MYOT: variants seen among roughly 807,000 people sequenced by gnomAD.
MYOT encodes myotilin.
A neutral mutation model predicts 58.0 loss-of-function variants in MYOT; 36 were observed. That is an observed-to-expected ratio of 0.62 (90% CI 0.48 to 0.82). MYOT has a LOEUF of 0.82. Ranked by LOEUF, MYOT falls within the 40% of genes least tolerant of loss-of-function variation. The pLI is 0.00. For synonymous variants in MYOT, 218 were observed against 204.6 expected (o/e 1.07, Z -0.56); for missense variants, 505 against 592.1 (o/e 0.85, Z 1.53).
At chr5:137,868,903 A>T (rs1043422559) in intron 1 of MYOT, among the ~76,000 whole-genome samples, 5 of 152,178 alleles carry the variant, frequency 3.3e-5, no homozygotes, top group Admixed American at 2.6e-4. Flanking sequence ...AATGCATTCT[A>T]GTTTAATGTA....
intron 6 of MYOT, among the ~76,000 whole-genome samples, chr5:137,882,338 G>A (rs1755462797): frequency 6.6e-6 from 1 of 152,110 alleles, no homozygotes; most frequent in African/African-American, 2.4e-5. Context: ...TCTGTAAAAT[G>A]GGATAACAAA....
At chr5:137,876,143 T>G in intron 3 of MYOT, 140 bp downstream of exon 3, 6 of 859,244 alleles carry the variant, frequency 7.0e-6, no homozygotes, top group Non-Finnish European at 9.0e-6. Flanking sequence ...ATTTGGGCCC[T>G]ATTCCATTTC....
chr5:137,886,944 C>A lies in MYOT; in HGVS notation c.1271C>A (p.Ser424Ter). Residue 424 changes from serine to a stop codon, truncating the protein, a stop_gained, in exon 9 of 10, where the codon TCA (serine) becomes TAA (stop). Coordinates refer to ENST00000239926, the MANE Select transcript of MYOT (RefSeq NM_006790.3). LOFTEE classifies it high-confidence loss of function. ...AAAGATGCTGGGTGGTATACTGTGTCAGCAGTTAATGAAGCTGGAGTGACT... is the reference window on the plus strand; with the variant it reads ...AAAGATGCTGGGTGGTATACTGTGTAAGCAGTTAATGAAGCTGGAGTGACT... ...NKKDAGWYTV[S>*]AVNEAGVTTC... 1.2e-6 allele frequency: 2 copies of A among 1,612,368 alleles called. No individual in the cohort carries two copies. The highest frequency in any genetic ancestry group is 1.7e-6 in the Non-Finnish European group (2 of 1,178,434).
chr5:137,880,941 A>G, intron 5 of MYOT, 76 bp downstream of exon 5: 2 of 1,087,082 alleles, frequency 1.8e-6, no homozygotes, highest in African/African-American at 3.1e-5. Flanking sequence ...TAATATTTAT[A>G]AAGCCCTCGA....
chr5:137,885,795 A>AC (rs1386859295), intron 7 of MYOT, among the ~76,000 whole-genome samples: 3 of 150,694 alleles, frequency 2.0e-5, no homozygotes, highest in African/African-American at 7.3e-5. Flanking sequence ...AAAAAAAAAA[A>AC]AAAAAAGAAT....
chr5:137,878,852 G>T (rs1020275129), intron 4 of MYOT, among the ~76,000 whole-genome samples: 1 of 152,048 alleles, frequency 6.6e-6, no homozygotes, highest in African/African-American at 2.4e-5. Context: ...AAAATGTTCA[G>T]TTGGACAGGT....
intron 3 of MYOT, among the ~76,000 whole-genome samples, chr5:137,876,933 G>A (rs1338105105): frequency 2.6e-5 from 4 of 152,102 alleles, no homozygotes; most frequent in Non-Finnish European, 4.4e-5. Context: ...CCTTTACTTA[G>A]GAGATCCTTA....
intron 4 of MYOT, among the ~76,000 whole-genome samples, chr5:137,879,196 A>G (rs1442086711): frequency 1.3e-5 from 2 of 152,028 alleles, no homozygotes; most frequent in Admixed American, 6.6e-5. Flanking sequence ...TCAGCCTCCC[A>G]AAGTGCTGGG....
intron 3 of MYOT, among the ~76,000 whole-genome samples, chr5:137,876,655 T>G (rs576591670): frequency 8.5e-5 from 13 of 152,098 alleles, no homozygotes; most frequent in Admixed American, 2.0e-4. Flanking sequence ...AAATAAAAAA[T>G]TAGCCAGGTG....
At position 137,887,627 on chromosome 5, in the gene MYOT, A is replaced by G; in HGVS notation, c.*242A>G. On this transcript the variant is annotated 3_prime_UTR_variant, in exon 10 of 10. Transcript: ENST00000239926. ...TGTAACTGCAGAAGACTATCTTAAA[A>G]TACAGGATTTTAACATTTAAGTCAT... 1 of 216,162 alleles carries G rather than the reference A, an allele frequency of 4.6e-6. No homozygotes were observed. Among genetic ancestry groups the G allele is most frequent in the South Asian group, 1.1e-4 (1 of 8,910 alleles). The allele number at this position is 216,162 out of a possible 1,614,324, so 13.4% of individuals were successfully genotyped here.
At chr5:137,877,436 C>A in intron 3 of MYOT, 84 bp from the exon 4 acceptor site, 2 of 730,546 alleles carry the variant, frequency 2.7e-6, no homozygotes, top group East Asian at 3.1e-5. Context: ...CTTTGAAGTT[C>A]TGACCTATAG....
chr5:137,882,246 G>A (rs964461809), intron 6 of MYOT, 141 bp downstream of exon 6: 20 of 967,078 alleles, frequency 2.1e-5, no homozygotes, highest in Non-Finnish European at 3.2e-5. Context: ...AAACTGATGT[G>A]GGTTTGAATT....
chr5:137,885,627 T>G (rs992064641), intron 7 of MYOT, among the ~76,000 whole-genome samples: 4 of 151,006 alleles, frequency 2.6e-5, no homozygotes, highest in Non-Finnish European at 5.9e-5. Flanking sequence ...ATACAAAAAT[T>G]AGTTGGGTGT....
intron 4 of MYOT, among the ~76,000 whole-genome samples, chr5:137,880,454 T>C (rs573768726): frequency 6.6e-6 from 1 of 152,358 alleles, no homozygotes; most frequent in East Asian, 1.9e-4. Context: ...ACTTCATGTC[T>C]ATTCCTGTTT....
intron 2 of MYOT, among the ~76,000 whole-genome samples, chr5:137,873,762 G>A (rs984911798): frequency 2.0e-5 from 3 of 152,194 alleles, no homozygotes; most frequent in South Asian, 2.1e-4. Flanking sequence ...AATGTCAGGA[G>A]AGGAAATGTG....
intron 3 of MYOT, 70 bp from the exon 4 acceptor site, chr5:137,877,450 T>C (rs1444572988): frequency 1.1e-6 from 1 of 947,610 alleles, no homozygotes; most frequent in Non-Finnish European, 1.7e-6. Context: ...CCTATAGTAG[T>C]GGTTTTAAGG....
In MYOT at chr5:137,875,328, A is replaced by C. The variant is rs1755175239; in HGVS notation, c.357-501A>C. Among the ~76,000 whole-genome samples the C allele has an allele frequency of 2.6e-5, 4 of 152,148 alleles. No individual in the cohort carries two copies. In the South Asian group the frequency reaches 8.3e-4, roughly 32 times the overall value. On this transcript the variant is annotated intron_variant, in intron 2 of 9. Coordinates refer to ENST00000239926, the MANE Select transcript of MYOT (RefSeq NM_006790.3). ...GAACACAAAGATGAAAACAATAAAC[A>C]CTGGAGATCCCGAAAGCAGGGAAAG...
rs4288 is a variant in MYOT, at chr5:137,887,483, G to A, written c.*98G>A. 0.14 allele frequency: 161,775 copies of A among 1,132,776 alleles called. 14,548 individuals carry two copies. Among genetic ancestry groups the A allele is most frequent in the East Asian group, 0.32 (12,040 of 37,124 alleles). 70.2% of individuals were successfully genotyped at this position (1,132,776 alleles called of 1,614,324 possible). On this transcript the variant is annotated 3_prime_UTR_variant, in exon 10 of 10. Transcript: ENST00000239926. ...ATCCATAGCTGTATTAACAGATTATGGTTTTAATTAGGTAATATAGTTAAT... is the reference window on the plus strand; with the variant it reads ...ATCCATAGCTGTATTAACAGATTATAGTTTTAATTAGGTAATATAGTTAAT...
In MYOT at chr5:137,882,051, A is replaced by C. The variant is rs983379755; in HGVS notation, c.762A>C (p.Gln254His). 4.3e-6 allele frequency: 7 copies of C among 1,614,116 alleles called. No individual in the cohort carries two copies. The African/African-American group carries it at 9.3e-5, about 22-fold the overall frequency. Residue 254 changes from glutamine (Q) to histidine (H), a missense_variant, in exon 6 of 10, where the codon CAA becomes CAC. Coordinates refer to ENST00000239926, the MANE Select transcript of MYOT (RefSeq NM_006790.3). ...QEKFYPPRFI[Q>H]VPENMSIDEG... ...AATTTTACCCACCACGTTTCATTCA[A>C]GTGCCAGAGAACATGTCGATTGATG... is the stretch of plus-strand genomic sequence containing the variant.
Sources: gnomAD v4.1 joint callset for allele counts (sites outside exome capture counted in the v4.1 genomes callset) on GRCh38, gnomAD v4.1.1 for gene constraint, MANE v1.5 for transcripts, NCBI Gene and HGNC (gene_info 2026-07-23, HGNC 2026-07-21) for gene names.